SLC30A7: variants seen among roughly 807,000 people sequenced by gnomAD.
The protein encoded by SLC30A7 is zinc transporter 7.
SLC30A7 carries 35 observed loss-of-function variants against 46.0 expected under a neutral mutation model. The observed-to-expected ratio is 0.76, with a 90% CI of 0.58 to 1.01. The LOEUF (loss-of-function observed/expected upper bound fraction) is 1.01. Ranked by LOEUF, SLC30A7 falls within the 50% of genes least tolerant of loss-of-function variation. The pLI is 0.00. For synonymous variants in SLC30A7, 147 were observed against 157.8 expected, an observed-to-expected ratio of 0.93 and a Z score of 0.51; for missense variants, 464 against 451.1, an observed-to-expected ratio of 1.03 and a Z score of -0.26.
downstream of SLC30A7, among the ~76,000 whole-genome samples, chr1:100,981,914 A>G (rs893470744): frequency 6.6e-6 from 1 of 152,206 alleles, no homozygotes; most frequent in Non-Finnish European, 1.5e-5. Flanking sequence ...AGATGCTAGG[A>G]GGTTGGAAGT....
At chr1:100,915,193 T>TTTCTTTCTTTC (rs1436015312) in intron 6 of SLC30A7, among the ~76,000 whole-genome samples, 10 of 90,858 alleles carry the variant, frequency 1.1e-4, no homozygotes, top group South Asian at 4.1e-4. Flanking sequence ...CTTTTCTTTC[T>TTTCTTTCTTTC]TTTCTTTCTT....
chr1:100,965,873 T>C lies in SLC30A7; in HGVS notation c.1038T>C (p.Ala346=), dbSNP rs758098642. The C allele has an allele frequency of 4.3e-6, 7 of 1,613,880 alleles. No individual in the cohort carries two copies. Among genetic ancestry groups the C allele is most frequent in the Non-Finnish European group, 5.9e-6 (7 of 1,179,850 alleles). Residue 346 remains alanine (A), a synonymous_variant, in exon 10 of 11, where the codon GCT becomes GCC. Coordinates refer to ENST00000357650, the MANE Select transcript of SLC30A7 (RefSeq NM_133496.5). ...GTLKLIVAPD[A]DARWILSQTH... is the part of the protein sequence containing the mutation. ...TGAAATTAATAGTAGCACCTGATGC[T>C]GATGCTAGGTGGATTTTAAGCCAAA...
chr1:100,990,687 C>T, the SLC30A7 span: 1 of 1,535,430 alleles, frequency 6.5e-7, no homozygotes, highest in Admixed American at 1.8e-5. Context: ...ATCCATCCAA[C>T]AGTCAAACAA....
intron 6 of SLC30A7, among the ~76,000 whole-genome samples, chr1:100,914,900 C>T (rs1652379204): frequency 6.6e-6 from 1 of 151,918 alleles, no homozygotes; most frequent in Non-Finnish European, 1.5e-5. Context: ...CTACTGCACT[C>T]CAGCCTGGAC....
In SLC30A7 at chr1:100,896,156, G is replaced by A; in HGVS notation, c.-107G>A. The A allele has an allele frequency of 1.0e-6, 1 of 987,860 alleles. No homozygotes were observed. Among genetic ancestry groups the A allele is most frequent in the Non-Finnish European group, 1.6e-6 (1 of 625,630 alleles). The allele number at this position is 987,860 out of a possible 1,614,324, so 61.2% of individuals were successfully genotyped here. The stretch of plus-strand genomic sequence containing the variant: ...TGTCTCGCAGCGGCGCGCGGCCCCG[G>A]ACAAGCGCTGGGGATTCCCGTTTGA... On this transcript the variant is annotated 5_prime_UTR_variant, in exon 1 of 11. Transcript: ENST00000357650.
intron 8 of SLC30A7, among the ~76,000 whole-genome samples, chr1:100,926,149 T>C (rs1281047960): frequency 6.6e-6 from 1 of 152,244 alleles, no homozygotes; most frequent in African/African-American, 2.4e-5. Flanking sequence ...GTAACTTACA[T>C]AGATACATAG....
At chr1:100,926,500 C>G (rs1653314880) in intron 8 of SLC30A7, among the ~76,000 whole-genome samples, 2 of 152,054 alleles carry the variant, frequency 1.3e-5, no homozygotes. Flanking sequence ...AAGACAGCAC[C>G]AAGCCATGAG....
chr1:100,987,668 C>CT, the SLC30A7 span, among the ~76,000 whole-genome samples: 34,618 of 140,944 alleles, frequency 0.25, 4,177 homozygotes, highest in Middle Eastern at 0.32. Context: ...GTTGTCTGCT[C>CT]TTTTTTTTTT....
rs766998204 is a variant in SLC30A7, at chr1:100,965,838, G to A, written c.1003G>A (p.Val335Ile). 3.1e-6 allele frequency: 5 copies of A among 1,613,782 alleles called. No homozygotes were observed. In the South Asian group the frequency reaches 4.4e-5, roughly 14 times the overall value. Residue 335 changes from valine (V) to isoleucine (I), a missense_variant, in exon 10 of 11, where the codon GTT becomes ATT. Val to Ile is a conservative substitution (Grantham distance 29, BLOSUM62 3). Transcript: ENST00000357650. ...HFWTLCSDVY[V>I]GTLKLIVAPD... is the part of the protein sequence containing the mutation. The stretch of plus-strand genomic sequence containing the variant: ...CTGGACTTTATGTTCTGACGTTTAT[G>A]TTGGGACCTTGAAATTAATAGTAGC...
intron 7 of SLC30A7, among the ~76,000 whole-genome samples, chr1:100,921,012 T>A (rs1652899571): frequency 6.6e-6 from 1 of 152,120 alleles, no homozygotes; most frequent in Non-Finnish European, 1.5e-5. Flanking sequence ...CTGGGCAACT[T>A]TGACTTACTA....
At chr1:100,948,592 C>T (rs1424687965) in intron 8 of SLC30A7, among the ~76,000 whole-genome samples, 4 of 152,186 alleles carry the variant, frequency 2.6e-5, no homozygotes, top group Admixed American at 1.3e-4. Flanking sequence ...GTTGGCCTGC[C>T]TTGCTAGGTT....
intron 10 of SLC30A7, among the ~76,000 whole-genome samples, chr1:100,971,166 C>T (rs778350615): frequency 1.2e-4 from 19 of 152,086 alleles, no homozygotes; most frequent in Non-Finnish European, 8.8e-5. Flanking sequence ...TAAGAGTGCT[C>T]CAAGTTTCAG....
chr1:100,986,188 TCACCTGAGGTTGGGAGTTCGGGACC>T (rs1657258366), downstream of SLC30A7, among the ~76,000 whole-genome samples: 1 of 152,170 alleles, frequency 6.6e-6, no homozygotes, highest in Non-Finnish European at 1.5e-5. Context: ...GGCAGGCAGA[TCACCTGAGGTTGGGAGTTCGGGACC>T]AGCCTGACCA....
intron 8 of SLC30A7, among the ~76,000 whole-genome samples, chr1:100,927,456 CAG>C (rs1653378191): frequency 2.0e-5 from 3 of 152,138 alleles, no homozygotes; most frequent in African/African-American, 7.2e-5. Flanking sequence ...CCTGATCAGA[CAG>C]AGTAGCTTCG....
chr1:100,961,251 G>A (rs574966473), intron 8 of SLC30A7, among the ~76,000 whole-genome samples: 5 of 152,008 alleles, frequency 3.3e-5, no homozygotes, highest in Admixed American at 6.6e-5. Flanking sequence ...ATGAGCCACC[G>A]CGCCCGGCCT....
chr1:100,912,846 C>T (rs1652201869), intron 5 of SLC30A7, among the ~76,000 whole-genome samples: 2 of 151,398 alleles, frequency 1.3e-5, no homozygotes, highest in Non-Finnish European at 2.9e-5. Context: ...CCACTGCACT[C>T]CAACCTGGGT....
In SLC30A7 at chr1:100,965,925, C is replaced by A. The variant is rs1031570000; in HGVS notation, c.1083+7C>A. 3 of 1,597,364 alleles carry A rather than the reference C, an allele frequency of 1.9e-6. No homozygotes were observed. The highest frequency in any genetic ancestry group is 1.1e-5 in the South Asian group (1 of 87,626). On this transcript the variant is annotated splice_region_variant and intron_variant, in intron 10 of 10. Coordinates refer to ENST00000357650, the MANE Select transcript of SLC30A7 (RefSeq NM_133496.5). ...ACATAATATTTTTACTCAGGTATGT[C>A]TTTTTTACTAACTTCTTTTAAGGGC...
chr1:100,962,834 A>G (rs553719922), intron 9 of SLC30A7, among the ~76,000 whole-genome samples: 5 of 152,226 alleles, frequency 3.3e-5, no homozygotes, highest in East Asian at 3.8e-4. Context: ...ATGAAAAACA[A>G]TGGTGGTTTA....
chr1:100,953,380 T>G (rs1466130275), intron 8 of SLC30A7, among the ~76,000 whole-genome samples: 3 of 152,208 alleles, frequency 2.0e-5, no homozygotes, highest in African/African-American at 7.2e-5. Flanking sequence ...CCTTTTGGAT[T>G]TTTCTTGCTG....
Sources: allele counts gnomAD v4.1 joint callset (sites outside exome capture counted in the v4.1 genomes callset), GRCh38; gene constraint gnomAD v4.1.1; transcripts MANE v1.5; gene names NCBI Gene and HGNC (gene_info 2026-07-23, HGNC 2026-07-21).